Variants in CDIN1 observed in about 807,000 individuals in gnomAD.
CDIN1 encodes the protein CDAN1 interacting nuclease 1.
In CDIN1, 33 loss-of-function variants were observed where a neutral mutation model predicts 45.3. That is an observed-to-expected ratio of 0.73 (90% CI 0.55 to 0.97). The LOEUF (loss-of-function observed/expected upper bound fraction) is 0.97. Among genes scored for constraint, CDIN1 ranks in the 50% least tolerant of loss-of-function variants. The pLI is 0.00. For missense variants in CDIN1, 303 were observed against 339.4 expected, an observed-to-expected ratio of 0.89 and a Z score of 0.84; for synonymous variants, 118 against 124.4, an observed-to-expected ratio of 0.95 and a Z score of 0.34.
intron 10 of CDIN1, chr15:36,799,044 G>A (rs1055281172): frequency 6.6e-6 from 1 of 152,190 alleles, no homozygotes. Context: ...TAAATCAGCT[G>A]AAATGATGGG....
chr15:36,739,425 A>G (rs2140934966), intron 10 of CDIN1, among the ~76,000 whole-genome samples: 1 of 152,094 alleles, frequency 6.6e-6, no homozygotes, highest in Middle Eastern at 3.5e-3. Context: ...ACAAAACAAA[A>G]CAAAACAAAA....
rs559501249 is a variant in CDIN1 at position 36,745,859 on chromosome 15, G to A, written c.716+35898G>A. On this transcript the variant is annotated intron_variant, in intron 10 of 10. Transcript: ENST00000566621. ...TGGATGCCTGTAATCCCAGCTACTC[G>A]GGAGGCTAAGGCAGGAGAATCGCTT... Among the ~76,000 whole-genome samples the A allele has an allele frequency of 5.9e-5, 9 of 152,022 alleles. No homozygotes were observed. The East Asian group carries it at 1.4e-3, about 23-fold the overall frequency.
At chr15:36,786,339 T>C (rs2054490505) in intron 10 of CDIN1, among the ~76,000 whole-genome samples, 1 of 152,240 alleles carries the variant, frequency 6.6e-6, no homozygotes, top group South Asian at 2.1e-4. Flanking sequence ...TTAAGAATGC[T>C]ACTTGCCCTT....
intron 10 of CDIN1, among the ~76,000 whole-genome samples, chr15:36,748,856 G>T (rs1482288468): frequency 6.6e-6 from 1 of 152,164 alleles, no homozygotes; most frequent in African/African-American, 2.4e-5. Context: ...GCTAAAGGTT[G>T]TAATCTCTTG....
chr15:36,641,064 AG>A (rs761678688), intron 1 of CDIN1: 2 of 152,194 alleles, frequency 1.3e-5, no homozygotes, highest in Non-Finnish European at 2.9e-5. Context: ...AGCTAAGGGG[AG>A]AACTAGAAAT....
At chr15:36,712,728 C>A (rs2043098623) in intron 10 of CDIN1, among the ~76,000 whole-genome samples, 1 of 151,966 alleles carries the variant, frequency 6.6e-6, no homozygotes, top group African/African-American at 2.4e-5. Context: ...AGTCATCTTC[C>A]CCAAAATCAG....
chr15:36,620,036 A>G (rs1291839939), intron 1 of CDIN1, among the ~76,000 whole-genome samples: 3 of 152,146 alleles, frequency 2.0e-5, no homozygotes, highest in Non-Finnish European at 2.9e-5. Context: ...TACTCAAGGA[A>G]AGAATGGGGT....
chr15:36,591,049 G>C (rs1283297329), intron 1 of CDIN1, among the ~76,000 whole-genome samples: 1 of 152,180 alleles, frequency 6.6e-6, no homozygotes, highest in Non-Finnish European at 1.5e-5. Flanking sequence ...TAGAGATGCA[G>C]GGTGAAAATT....
intron 10 of CDIN1, among the ~76,000 whole-genome samples, chr15:36,727,097 A>C (rs1000099730): frequency 6.6e-6 from 1 of 152,102 alleles, no homozygotes; most frequent in East Asian, 1.9e-4. Flanking sequence ...TTATTTTAAA[A>C]AGCAATAATT....
chr15:36,724,042 G>A (rs906470227), intron 10 of CDIN1, among the ~76,000 whole-genome samples: 1 of 152,158 alleles, frequency 6.6e-6, no homozygotes, highest in Non-Finnish European at 1.5e-5. Flanking sequence ...TGAGGTAAAT[G>A]CTAGTATTTT....
chr15:36,722,327 C>G (rs969663510), intron 10 of CDIN1, among the ~76,000 whole-genome samples: 7 of 151,844 alleles, frequency 4.6e-5, no homozygotes, highest in Non-Finnish European at 1.0e-4. Context: ...CTCTCTCTCT[C>G]TCTCTCTCTC....
chr15:36,681,703 A>G (rs1190622135), intron 5 of CDIN1, among the ~76,000 whole-genome samples: 1 of 152,216 alleles, frequency 6.6e-6, no homozygotes, highest in Non-Finnish European at 1.5e-5. Context: ...CTGACATTAG[A>G]GTGCTTATAA....
chr15:36,673,703 C>A (rs968794405), intron 5 of CDIN1, among the ~76,000 whole-genome samples: 6 of 151,824 alleles, frequency 4.0e-5, no homozygotes, highest in African/African-American at 1.5e-4. Flanking sequence ...TTTCAACATC[C>A]CTTTTTGGTA....
At chr15:36,659,831 G>T (rs2040925905) in intron 5 of CDIN1, among the ~76,000 whole-genome samples, 1 of 151,584 alleles carries the variant, frequency 6.6e-6, no homozygotes, top group African/African-American at 2.4e-5. Context: ...ATAATTGAGG[G>T]TTTATCATTT....
intron 10 of CDIN1, among the ~76,000 whole-genome samples, chr15:36,797,773 C>T (rs886675919): frequency 6.6e-6 from 1 of 151,826 alleles, no homozygotes; most frequent in African/African-American, 2.4e-5. Flanking sequence ...TGAGGTGAGG[C>T]GTTCAAGACG....
At position 36,612,673 on chromosome 15, in the gene CDIN1, T is replaced by C. The variant is rs139322912; in HGVS notation, c.102-31605T>C. ...TGCTGAGCGTCTTTACTTCCCTGGT[T>C]CTGGATTTGGTCTGACTATGTCAGG... On this transcript the variant is annotated intron_variant, in intron 1 of 10. Transcript: ENST00000566621. Among the ~76,000 whole-genome samples the C allele has an allele frequency of 1.2e-3, 176 of 152,272 alleles. 1 individual carries two copies. Among genetic ancestry groups the C allele is most frequent in the Admixed American group, 3.2e-3 (49 of 15,296 alleles).
intron 10 of CDIN1, among the ~76,000 whole-genome samples, chr15:36,736,678 A>G (rs965489309): frequency 6.6e-6 from 1 of 152,112 alleles, no homozygotes; most frequent in Non-Finnish European, 1.5e-5. Context: ...ACCCATCCAG[A>G]TCTCTTTAAA....
chr15:36,626,293 A>T (rs1433246001), intron 1 of CDIN1, among the ~76,000 whole-genome samples: 1 of 151,998 alleles, frequency 6.6e-6, no homozygotes, highest in South Asian at 2.1e-4. Flanking sequence ...CAAAGTAAGG[A>T]TCTGTAAGAG....
At chr15:36,781,897 C>G (rs1002444093) in intron 10 of CDIN1, among the ~76,000 whole-genome samples, 11 of 152,212 alleles carry the variant, frequency 7.2e-5, no homozygotes, top group African/African-American at 2.7e-4. Context: ...GATCCAGCCC[C>G]TGTCCTCACC....
Sources: allele counts gnomAD v4.1 joint callset (sites outside exome capture counted in the v4.1 genomes callset), GRCh38; gene constraint gnomAD v4.1.1; transcripts MANE v1.5; gene names NCBI Gene and HGNC (gene_info 2026-07-23, HGNC 2026-07-21).